ZNF823: variants seen among roughly 807,000 people sequenced by gnomAD.
ZNF823 encodes ZFP 36 for a zinc finger protein.
ZNF823 carries 5 observed loss-of-function variants against 11.4 expected under a neutral mutation model. The ratio of observed to expected loss-of-function variants is 0.44; its 90% confidence interval spans 0.23 to 0.92. The LOEUF is 0.92. ZNF823 is among the 40% of genes least tolerant of loss of function. The pLI, the probability that ZNF823 is intolerant of heterozygous loss-of-function variation, is 0.24. For synonymous variants in ZNF823, 234 were observed against 250.5 expected, an observed-to-expected ratio of 0.93 and a Z score of 0.62; for missense variants, 582 against 738.5, an observed-to-expected ratio of 0.79 and a Z score of 2.46.
intron 1 of ZNF823, among the ~76,000 whole-genome samples, chr19:11,734,447 A>AC (rs1468955834): frequency 6.6e-6 from 1 of 152,130 alleles, no homozygotes; most frequent in Non-Finnish European, 1.5e-5. Flanking sequence ...TTCTGTCTTC[A>AC]CCAACCAGGC....
intron 1 of ZNF823, among the ~76,000 whole-genome samples, chr19:11,730,221 C>A (rs1974868982): frequency 6.6e-6 from 1 of 152,146 alleles, no homozygotes. Context: ...AGCCACCGTG[C>A]CTGGCCGTTT....
chr19:11,738,335 CCT>C (rs1475951673), intron 1 of ZNF823, among the ~76,000 whole-genome samples: 1 of 152,200 alleles, frequency 6.6e-6, no homozygotes, highest in Non-Finnish European at 1.5e-5. Context: ...CCAGGAGTCA[CCT>C]CTCACTTCTC....
At chr19:11,738,710 A>T in intron 1 of ZNF823, 107 bp downstream of exon 1, 2 of 1,392,828 alleles carry the variant, frequency 1.4e-6, no homozygotes, top group Non-Finnish European at 1.9e-6. Context: ...TGGGATTTGC[A>T]GACCCCGGAG....
intron 1 of ZNF823, among the ~76,000 whole-genome samples, chr19:11,735,281 C>CA (rs60923876): frequency 0.19 from 18,332 of 99,016 alleles, 1,250 homozygotes; most frequent in African/African-American, 0.24. Context: ...TTTCAAAAAA[C>CA]AAAAAAAAAA....
rs1974687452 is a variant in ZNF823, at chr19:11,721,903, C to T, written c.1631G>A (p.Arg544Gln). The stretch of plus-strand genomic sequence containing the variant: ...CTCTCCAGTGTGAATTCTTTCATGT[C>T]GTAGAAGGCAAGTGAGCCAAGAGAA... ...KAFSWLTCLL[R>Q]HERIHTGEKP... Residue 544 changes from arginine (R) to glutamine (Q), a missense_variant, in exon 4 of 4, where the codon CGA becomes CAA. Arg to Gln is a conservative substitution (Grantham distance 43). Transcript: ENST00000341191. 2.5e-6 allele frequency: 4 copies of T among 1,613,550 alleles called. No homozygotes were observed. Among genetic ancestry groups the T allele is most frequent in the South Asian group, 1.1e-5 (1 of 91,062 alleles).
intron 1 of ZNF823, among the ~76,000 whole-genome samples, chr19:11,727,946 G>GTCGCGA (rs57330290): frequency 0.44 from 58,104 of 132,384 alleles, 11,293 homozygotes; most frequent in African/African-American, 0.49. Context: ...GGAGTTCAGT[G>GTCGCGA]TCTCGCTGCA....
intron 1 of ZNF823, among the ~76,000 whole-genome samples, chr19:11,734,494 TTC>T (rs1446455269): frequency 6.6e-6 from 1 of 152,160 alleles, no homozygotes; most frequent in Admixed American, 6.6e-5. Context: ...TTCCTTAAGT[TTC>T]TCTTCCTCCT....
At chr19:11,730,217 C>T (rs1394198986) in intron 1 of ZNF823, among the ~76,000 whole-genome samples, 2 of 152,030 alleles carry the variant, frequency 1.3e-5, no homozygotes, top group African/African-American at 2.4e-5. Flanking sequence ...TGTGAGCCAC[C>T]GTGCCTGGCC....
In ZNF823 at chr19:11,722,555, T is replaced by A. The variant is rs771324985; in HGVS notation, c.979A>T (p.Thr327Ser). The change falls in exon 4 of 4, where the codon ACT becomes TCT. Residue 327 changes from threonine to serine, a missense_variant. Coordinates refer to ENST00000341191, the MANE Select transcript of ZNF823 (RefSeq NM_001080493.4). This position sits in a 1 kb window ranked among gnomAD's most constrained non-coding sequence, Gnocchi z 5.2. ...TTACATTTATGTGGTCCGTCTCCAGTGTGCCTTATCATGTGTCTTCGAAAG... is the reference window on the plus strand; with the variant it reads ...TTACATTTATGTGGTCCGTCTCCAGAGTGCCTTATCATGTGTCTTCGAAAG... ...TSFRRHMIRHTGDGPHKCKIC... is the reference protein window; with the variant it reads ...TSFRRHMIRHSGDGPHKCKIC... 1 of 1,614,222 alleles carries A rather than the reference T, an allele frequency of 6.2e-7. No homozygotes were observed. Among genetic ancestry groups the A allele is most frequent in the Non-Finnish European group, 8.5e-7 (1 of 1,180,038 alleles).
At chr19:11,725,074 C>A in intron 2 of ZNF823, 127 bp downstream of exon 2, 1 of 1,264,870 alleles carries the variant, frequency 7.9e-7, no homozygotes. Context: ...GGGGCTGACA[C>A]CTCTAAACCC....
chr19:11,730,241 A>G (rs541878029), intron 1 of ZNF823, among the ~76,000 whole-genome samples: 2 of 152,016 alleles, frequency 1.3e-5, no homozygotes, highest in Non-Finnish European at 2.9e-5. Flanking sequence ...TTCTTATGTA[A>G]GAAAATAAAG....
intron 1 of ZNF823, among the ~76,000 whole-genome samples, chr19:11,735,766 A>C (rs1974982627): frequency 6.6e-6 from 1 of 152,182 alleles, no homozygotes; most frequent in Admixed American, 6.5e-5. Context: ...ATGTGTGATG[A>C]ATCCAGTAAA....
At chr19:11,731,996 T>G (rs887673909) in intron 1 of ZNF823, among the ~76,000 whole-genome samples, 2 of 118,744 alleles carry the variant, frequency 1.7e-5, no homozygotes, top group African/African-American at 6.6e-5. Flanking sequence ...GTAACAAGAG[T>G]GAAACTCCGT....
chr19:11,722,811 G>T lies in ZNF823; in HGVS notation c.723C>A (p.Ile241=). The stretch of plus-strand genomic sequence containing the variant: ...ATTCATACGCTTTCTCTCCCGTGTG[G>T]ATTCTTTCATGTCTTAGATAGGAAC... ...FYSSYLRHER[I]HTGEKAYECK... The change falls in exon 4 of 4, where the codon ATC becomes ATA. Residue 241 remains isoleucine (I), a synonymous_variant. Coordinates refer to ENST00000341191, the MANE Select transcript of ZNF823 (RefSeq NM_001080493.4). This position sits in a 1 kb window ranked among gnomAD's most constrained non-coding sequence, Gnocchi z 5.2. 1 of 1,613,658 alleles carries T rather than the reference G, an allele frequency of 6.2e-7. No homozygotes were observed.
At chr19:11,729,723 A>C (rs1157044707) in intron 1 of ZNF823, among the ~76,000 whole-genome samples, 1 of 152,188 alleles carries the variant, frequency 6.6e-6, no homozygotes, top group Non-Finnish European at 1.5e-5. Flanking sequence ...TAATAAAAGA[A>C]AAACTGGTCA....
At position 11,721,862 on chromosome 19, in the gene ZNF823, G is replaced by C. The variant is rs761600528; in HGVS notation, c.1672C>G (p.Leu558Val). ...CGAGTGAAGGCTTTACCACATTGTA[G>C]ACATTCATAGGGTTTCTCTCCAGTG... ...IHTGEKPYEC[L>V]QCGKAFTRSR... is the part of the protein sequence containing the mutation. The change falls in exon 4 of 4, where the codon CTA becomes GTA. Residue 558 changes from leucine to valine, a missense_variant. Physicochemically the swap from Leu to Val is conservative, Grantham distance 32. Coordinates refer to ENST00000341191, the MANE Select transcript of ZNF823 (RefSeq NM_001080493.4). 4 of 1,612,622 alleles carry C rather than the reference G, an allele frequency of 2.5e-6. No individual in the cohort carries two copies. In the South Asian group the frequency reaches 3.3e-5, roughly 13 times the overall value.
At chr19:11,732,672 A>T (rs1974923505) in intron 1 of ZNF823, among the ~76,000 whole-genome samples, 1 of 151,272 alleles carries the variant, frequency 6.6e-6, no homozygotes, top group Non-Finnish European at 1.5e-5. Context: ...TGACTTCGTG[A>T]TCTGCCCACC....
In ZNF823 at chr19:11,722,149, TC is replaced by T. The variant is rs1974694999; in HGVS notation, c.1384del (p.Glu462ArgfsTer34). 1 of 1,614,084 alleles carries T rather than the reference TC, an allele frequency of 6.2e-7. No individual in the cohort carries two copies. Among genetic ancestry groups the T allele is most frequent in the Admixed American group, 1.7e-5 (1 of 60,004 alleles). ...TGGCTTCTCTCCAGTGTGAGTTGTC[TC>T]ATGATTTTGAAAGGAAGAGAGATCA... Reference protein sequence around the residue: ...FSDLSSFQNHETTHTGEKPYE... With the variant: ...FSDLSSFQNHXTTHTGEKPYE... On this transcript the variant is annotated frameshift_variant, in exon 4 of 4. Transcript: ENST00000341191. LOFTEE classifies it low-confidence loss of function (END_TRUNC). This position sits in a 1 kb window ranked among gnomAD's most constrained non-coding sequence, Gnocchi z 5.2.
chr19:11,732,586 A>C (rs553664268), intron 1 of ZNF823, among the ~76,000 whole-genome samples: 184 of 151,178 alleles, frequency 1.2e-3, no homozygotes, highest in Non-Finnish European at 2.3e-3. Flanking sequence ...GGCGTGAGCC[A>C]CCGCGCCCGG....
Sources: allele counts gnomAD v4.1 joint callset (sites outside exome capture counted in the v4.1 genomes callset), GRCh38; gene constraint gnomAD v4.1.1; non-coding constraint Gnocchi (gnomAD v3.1); transcripts MANE v1.5; gene names NCBI Gene and HGNC (gene_info 2026-07-23, HGNC 2026-07-21).